The following AFF3 variants were observed in gnomAD, a reference collection of about 807,000 sequenced individuals.
AFF3 encodes ALF transcription elongation factor 3.
AFF3 carries 32 observed loss-of-function variants against 129.7 expected under a neutral mutation model. The ratio of observed to expected loss-of-function variants is 0.25; its 90% CI spans 0.19 to 0.33. AFF3 has a LOEUF of 0.33. Among genes scored for constraint, AFF3 ranks in the 10% least tolerant of loss-of-function variants. The probability of loss-of-function intolerance (pLI) is 1.00; values close to 1 mark genes in which losing one functional copy is unlikely to be tolerated. For missense variants in AFF3, 1,373 were observed against 1,592.0 expected, an observed-to-expected ratio of 0.86 and a Z score of 2.34; for synonymous variants, 644 against 635.4, an observed-to-expected ratio of 1.01 and a Z score of -0.20.
intron 20 of AFF3, among the ~76,000 whole-genome samples, chr2:99,564,026 TTTTG>T (rs1675748628): frequency 6.6e-6 from 1 of 152,140 alleles, no homozygotes; most frequent in South Asian, 2.1e-4. Flanking sequence ...TGGCATGGTT[TTTTG>T]TTTGTTTGGG....
chr2:100,040,005 A>G (rs554610416), intron 4 of AFF3, among the ~76,000 whole-genome samples: 1 of 152,282 alleles, frequency 6.6e-6, no homozygotes, highest in African/African-American at 2.4e-5. Context: ...TAAATTTCCA[A>G]TGCAGATTCA....
At chr2:99,877,278 G>A (rs974239116) in intron 7 of AFF3, among the ~76,000 whole-genome samples, 2 of 152,238 alleles carry the variant, frequency 1.3e-5, no homozygotes, top group Non-Finnish European at 2.9e-5. Flanking sequence ...AAGTGGGATT[G>A]AGGGGGAGAT....
rs1292434742 is a variant in AFF3 at position 100,007,340 on chromosome 2, C to T, written c.295G>A (p.Gly99Arg). The T allele has an allele frequency of 8.1e-6, 13 of 1,613,994 alleles. No individual in the cohort carries two copies. The South Asian group carries it at 1.1e-4, about 14-fold the overall frequency. ...QSHLVGVPKP[G>R]VPQTPVNKID... ...TTGTTCACAGGAGTCTGAGGAACCC[C>T]AGGTTTGGGAACTCCAACGAGATGA... The change falls in exon 6 of 25, where the codon GGG becomes AGG. Residue 99 changes from glycine to arginine, a missense_variant. By Grantham distance (125) the Gly-to-Arg change is moderately radical (BLOSUM62 -2). This residue lies in a region of AFF3 where 255 missense variants were observed against 256.0 expected (regional missense o/e 1.00). Transcript: ENST00000672756.
At chr2:99,769,838 A>G (rs1226991325) in intron 8 of AFF3, among the ~76,000 whole-genome samples, 1 of 152,208 alleles carries the variant, frequency 6.6e-6, no homozygotes, top group East Asian at 1.9e-4. Context: ...ACTTTCTCCC[A>G]AACAAATGGA....
chr2:99,995,463 C>T (rs1680755184), intron 7 of AFF3, among the ~76,000 whole-genome samples: 1 of 151,968 alleles, frequency 6.6e-6, no homozygotes, highest in South Asian at 2.1e-4. Flanking sequence ...AGCTCCGCCT[C>T]CCGGGTTCAC....
Position 99,565,455 on chromosome 2 carries a change from C to T in AFF3, c.3119+32G>A, listed in dbSNP as rs548032261. On this transcript the variant is annotated intron_variant, in intron 20 of 24. Coordinates refer to ENST00000672756, the MANE Select transcript of AFF3 (RefSeq NM_001386135.1). ...GTGCTTCCACACATTCCTCACTCCT[C>T]CCCTCATCCAGCAAGAAAACACGGT... 107 of 1,607,530 alleles carry T rather than the reference C, an allele frequency of 6.7e-5. No individual in the cohort carries two copies. The South Asian group carries it at 7.2e-4, about 11-fold the overall frequency.
chr2:99,726,681 C>T (rs1226064555), intron 11 of AFF3, among the ~76,000 whole-genome samples: 2 of 152,108 alleles, frequency 1.3e-5, no homozygotes, highest in African/African-American at 4.8e-5. Flanking sequence ...CACATAATTC[C>T]AAGGTGAGGT....
intron 24 of AFF3, among the ~76,000 whole-genome samples, chr2:99,552,257 G>A (rs995646829): frequency 1.3e-5 from 2 of 152,132 alleles, no homozygotes; most frequent in Non-Finnish European, 2.9e-5. Context: ...AGGTGTGGTG[G>A]CGCACACCTG....
intron 7 of AFF3, among the ~76,000 whole-genome samples, chr2:99,925,843 T>C (rs1696201139): frequency 6.6e-6 from 1 of 152,208 alleles, no homozygotes; most frequent in African/African-American, 2.4e-5. Context: ...CTGCTTATGT[T>C]GTTCTAAAGC....
chr2:99,700,613 G>A (rs1022231376), intron 11 of AFF3, among the ~76,000 whole-genome samples: 1 of 152,224 alleles, frequency 6.6e-6, no homozygotes. Flanking sequence ...TAAATCTGCA[G>A]TACAAATTGG....
At chr2:99,988,650 T>C (rs1576489535) in intron 7 of AFF3, among the ~76,000 whole-genome samples, 1 of 152,158 alleles carries the variant, frequency 6.6e-6, no homozygotes, top group African/African-American at 2.4e-5. Context: ...TAGTAACATA[T>C]ATTTGGTCTC....
rs1677653439 is a variant in AFF3 at position 99,965,454 on chromosome 2, A to G, written c.873+41178T>C. ...TCCTGCTCTCTTTCCTGGAGTGCAC[A>G]GTAGATAAATGAAAATATTTAGAAA... is the stretch of plus-strand genomic sequence containing the variant. On this transcript the variant is annotated intron_variant, in intron 7 of 24. Coordinates refer to ENST00000672756, the MANE Select transcript of AFF3 (RefSeq NM_001386135.1). Among the ~76,000 whole-genome samples, 2 of 152,238 alleles carry G rather than the reference A, an allele frequency of 1.3e-5. 1 individual carries two copies. The highest frequency in any genetic ancestry group is 4.1e-4 in the South Asian group (2 of 4,838).
Position 99,694,854 on chromosome 2 carries a change from G to A in AFF3, c.1092-22265C>T, listed in dbSNP as rs554407449. On this transcript the variant is annotated intron_variant, in intron 11 of 24. Transcript: ENST00000672756. Reference sequence around the variant, plus strand: ...CCTAAGTAGCTGGGATTACAGGCGCGTGCCACATCCTGGCTAATTTTTGTA... The same window carrying A: ...CCTAAGTAGCTGGGATTACAGGCGCATGCCACATCCTGGCTAATTTTTGTA... 1.8e-4 allele frequency among the ~76,000 whole-genome samples: 28 copies of A among 151,988 alleles called. 1 individual carries two copies. In the East Asian group the frequency reaches 2.9e-3, roughly 16 times the overall value.
chr2:100,139,845 A>C (rs555668875), intron 1 of AFF3, among the ~76,000 whole-genome samples: 12 of 152,362 alleles, frequency 7.9e-5, no homozygotes, highest in African/African-American at 2.4e-4. Flanking sequence ...GGATGATTGC[A>C]CTAAAGGATT....
chr2:99,987,362 C>T (rs754093559), intron 7 of AFF3, among the ~76,000 whole-genome samples: 2 of 152,182 alleles, frequency 1.3e-5, no homozygotes, highest in Non-Finnish European at 2.9e-5. Flanking sequence ...GTTCAGCTCT[C>T]AACTGCAATG....
At chr2:100,023,190 T>C (rs1683740988) in intron 4 of AFF3, among the ~76,000 whole-genome samples, 2 of 152,246 alleles carry the variant, frequency 1.3e-5, no homozygotes, top group Non-Finnish European at 2.9e-5. Context: ...TCCTTCTCAC[T>C]GAAGCCCTCC....
intron 11 of AFF3, among the ~76,000 whole-genome samples, chr2:99,698,952 C>A (rs1192183247): frequency 1.3e-5 from 2 of 152,118 alleles, no homozygotes; most frequent in Non-Finnish European, 2.9e-5. Flanking sequence ...GGGAGCACAT[C>A]AATGTAAGAA....
At chr2:99,882,063 CTCTCTCTCTCTG>C (rs892917072) in intron 7 of AFF3, among the ~76,000 whole-genome samples, 5 of 150,688 alleles carry the variant, frequency 3.3e-5, no homozygotes, top group Non-Finnish European at 5.9e-5. Context: ...CTGTCTCTCT[CTCTCTCTCTCTG>C]TCTCTCTCTC....
intron 13 of AFF3, among the ~76,000 whole-genome samples, chr2:99,626,451 C>CCCTT (rs1415718812): frequency 1.6e-5 from 1 of 62,776 alleles, no homozygotes; most frequent in African/African-American, 4.5e-5. Context: ...CCTTCCCTTC[C>CCCTT]CCTTCCTTCC....
Sources: gnomAD v4.1 joint callset for allele counts (sites outside exome capture counted in the v4.1 genomes callset) on GRCh38, gnomAD v4.1.1 for gene constraint, gnomAD v4.1.1 regional missense constraint, MANE v1.5 for transcripts, NCBI Gene and HGNC (gene_info 2026-07-23, HGNC 2026-07-21) for gene names.